Variants in CCDC7 observed in about 807,000 individuals in gnomAD.
CCDC7 encodes the protein coiled-coil domain-containing protein 7.
In CCDC7, 183 loss-of-function variants were observed where a neutral mutation model predicts 196.9. The observed-to-expected ratio is 0.93, with a 90% CI of 0.82 to 1.05. CCDC7 has a LOEUF of 1.05. CCDC7 is among the 50% of genes least tolerant of loss of function. The pLI is 0.00. For missense variants in CCDC7, 1,540 were observed against 1,482.2 expected, an observed-to-expected ratio of 1.04 and a Z score of -0.64; for synonymous variants, 525 against 484.6, an observed-to-expected ratio of 1.08 and a Z score of -1.10.
exon 24 of CCDC7, chr10:32,694,898 C>T (rs1270420326): frequency 1.3e-6 from 2 of 1,595,368 alleles, no homozygotes; most frequent in Non-Finnish European, 1.7e-6. Context: ...AAGAACCAGG[C>T]AAAAATCTTG....
At chr10:32,468,320 T>G (rs184323770) in intron 5 of CCDC7, among the ~76,000 whole-genome samples, 1 of 148,064 alleles carries the variant, frequency 6.8e-6, no homozygotes, top group East Asian at 2.0e-4. Context: ...TTAGCTGTAT[T>G]CCTAGGTATT....
chr10:32,478,866 C>G (rs778780831), intron 8 of CCDC7, among the ~76,000 whole-genome samples: 1 of 152,068 alleles, frequency 6.6e-6, no homozygotes, highest in East Asian at 1.9e-4. Flanking sequence ...TGGAAGAGAT[C>G]ATAAAGAATT....
chr10:32,751,572 A>T (rs1160280827), intron 28 of CCDC7, among the ~76,000 whole-genome samples: 1 of 152,200 alleles, frequency 6.6e-6, no homozygotes, highest in Non-Finnish European at 1.5e-5. Flanking sequence ...TGAGATTGGT[A>T]GGCTATGGCA....
intron 20 of CCDC7, among the ~76,000 whole-genome samples, chr10:32,639,002 T>C (rs1463338949): frequency 6.6e-6 from 1 of 152,224 alleles, no homozygotes; most frequent in Non-Finnish European, 1.5e-5. Context: ...TTCTAGATTT[T>C]CTAGTTTATT....
At chr10:32,700,520 A>G (rs1358398338) in intron 24 of CCDC7, among the ~76,000 whole-genome samples, 1 of 152,084 alleles carries the variant, frequency 6.6e-6, no homozygotes, top group Non-Finnish European at 1.5e-5. Context: ...TTGGCTTAGG[A>G]TTGACTTGGC....
intron 20 of CCDC7, among the ~76,000 whole-genome samples, chr10:32,644,858 C>T (rs1455638769): frequency 6.6e-6 from 1 of 152,144 alleles, no homozygotes; most frequent in Non-Finnish European, 1.5e-5. Context: ...GTAAATTGCC[C>T]AGTTACAGAT....
intron 24 of CCDC7, among the ~76,000 whole-genome samples, chr10:32,698,189 T>C (rs1188993932): frequency 6.6e-6 from 1 of 152,046 alleles, no homozygotes; most frequent in East Asian, 1.9e-4. Context: ...ACAAAACCCA[T>C]TTGTAGGTCA....
At chr10:32,810,059 A>C (rs2086748779) in intron 30 of CCDC7, among the ~76,000 whole-genome samples, 1 of 141,368 alleles carries the variant, frequency 7.1e-6, no homozygotes, top group Non-Finnish European at 1.6e-5. Flanking sequence ...AATGAGGAAG[A>C]AAAAGAACTC....
intron 41 of CCDC7, among the ~76,000 whole-genome samples, chr10:32,856,706 A>C (rs932506613): frequency 5.9e-5 from 9 of 152,104 alleles, no homozygotes; most frequent in Non-Finnish European, 1.2e-4. Flanking sequence ...ACTGTGTCCT[A>C]TTGGTTCTGT....
chr10:32,477,461 A>G (rs2039207361), intron 8 of CCDC7, among the ~76,000 whole-genome samples: 1 of 152,142 alleles, frequency 6.6e-6, no homozygotes, highest in African/African-American at 2.4e-5. Flanking sequence ...TCAGCCTCCC[A>G]AAGTACTGGG....
intron 24 of CCDC7, among the ~76,000 whole-genome samples, chr10:32,695,904 C>A (rs1213425154): frequency 6.6e-6 from 1 of 152,098 alleles, no homozygotes; most frequent in Non-Finnish European, 1.5e-5. Flanking sequence ...ACGGCATGAG[C>A]CACCAATAGT....
chr10:32,476,620 T>C (rs1468044240), intron 8 of CCDC7, among the ~76,000 whole-genome samples: 1 of 152,234 alleles, frequency 6.6e-6, no homozygotes, highest in East Asian at 1.9e-4. Context: ...TGTTTAGCAT[T>C]ATAAGAAACT....
intron 11 of CCDC7, among the ~76,000 whole-genome samples, chr10:32,526,187 A>C (rs1018790235): frequency 2.0e-5 from 3 of 152,210 alleles, no homozygotes; most frequent in African/African-American, 7.2e-5. Flanking sequence ...CCCTGTGGCC[A>C]CCACCACAAA....
chr10:32,851,866 A>G, exon 40 of CCDC7: 2 of 1,612,842 alleles, frequency 1.2e-6, no homozygotes, highest in South Asian at 1.1e-5. Flanking sequence ...AATTTATAGA[A>G]CATATAGGGC....
At position 32,634,522 on chromosome 10, in the gene CCDC7, G is replaced by A. The variant is rs563558588; in HGVS notation, c.1912+158G>A. On this transcript the variant is annotated intron_variant, in intron 19 of 41. Transcript: ENST00000639629. ...AGCGATTCTCCTGCCCCAGACTCCC[G>A]AGTAGCTGGGATTACAGGTGCACGT... Among the ~76,000 whole-genome samples, 1,218 of 152,104 alleles carry A rather than the reference G, an allele frequency of 8.0e-3. 7 individuals are homozygous for A. The highest frequency in any genetic ancestry group is 0.02 in the Middle Eastern group (6 of 294).
At chr10:32,699,178 A>G (rs571753839) in intron 24 of CCDC7, among the ~76,000 whole-genome samples, 1 of 148,702 alleles carries the variant, frequency 6.7e-6, no homozygotes, top group East Asian at 2.1e-4. Context: ...AACATTAGGT[A>G]TATCTCTTAA....
downstream of CCDC7, among the ~76,000 whole-genome samples, chr10:32,881,008 CTAGTAAGA>C (rs2094772576): frequency 6.6e-6 from 1 of 152,166 alleles, no homozygotes; most frequent in African/African-American, 2.4e-5. Context: ...ACAGAAGTGA[CTAGTAAGA>C]TAGTGTTACC....
rs550010897 is a variant in CCDC7 at position 32,617,418 on chromosome 10, G to T, written c.1802-16836G>T. ...GTGGTCTTTCTACTTTTTTGTTGTA[G>T]GCTTTAATGCTATAAACCCCTCTTA... On this transcript the variant is annotated intron_variant, in intron 18 of 41. Coordinates refer to ENST00000639629, the Ensembl canonical transcript of CCDC7. 1.7e-4 allele frequency among the ~76,000 whole-genome samples: 25 copies of T among 151,490 alleles called. No homozygotes were observed. The South Asian group carries it at 5.2e-3, about 32-fold the overall frequency.
chr10:32,759,807 A>C (rs2077129196), intron 28 of CCDC7, among the ~76,000 whole-genome samples: 4 of 152,212 alleles, frequency 2.6e-5, no homozygotes, highest in Admixed American at 2.6e-4. Flanking sequence ...GTGAACAGGC[A>C]ACCTACAGAA....
Sources: gnomAD v4.1 joint callset for allele counts (sites outside exome capture counted in the v4.1 genomes callset) on GRCh38, gnomAD v4.1.1 for gene constraint, MANE v1.5 for transcripts, NCBI Gene and HGNC (gene_info 2026-07-23, HGNC 2026-07-21) for gene names.